Variants in RNF145 observed in about 807,000 individuals in gnomAD.
The protein encoded by RNF145 is ring finger protein 145.
RNF145 carries 12 observed loss-of-function variants against 57.3 expected under a neutral mutation model. The ratio of observed to expected loss-of-function variants is 0.21; its 90% CI spans 0.13 to 0.34. The LOEUF (loss-of-function observed/expected upper bound fraction) is 0.34. Among genes scored for constraint, RNF145 ranks in the 10% least tolerant of loss-of-function variants. The pLI is 1.00. For synonymous variants in RNF145, 262 were observed against 288.3 expected (o/e 0.91, Z 0.92); for missense variants, 429 against 799.0 (o/e 0.54, Z 5.58).
In RNF145 at chr5:159,158,318, T is replaced by A. The variant is rs1215886215; in HGVS notation, c.*352A>T. On this transcript the variant is annotated 3_prime_UTR_variant, in exon 11 of 11. Coordinates refer to ENST00000424310, the MANE Select transcript of RNF145 (RefSeq NM_001199383.2). ...TTCCATGCTGTCCTCATGCTCTTTA[T>A]CCTCACTTCCTCAGTCCCTTCAACA... 8.1e-6 allele frequency: 2 copies of A among 248,414 alleles called. No individual in the cohort carries two copies. Among genetic ancestry groups the A allele is most frequent in the African/African-American group, 4.4e-5 (2 of 45,214 alleles). 15.4% of individuals were successfully genotyped at this position (248,414 alleles called of 1,614,324 possible).
At chr5:159,172,329 A>C (rs914974706) in intron 6 of RNF145, among the ~76,000 whole-genome samples, 3 of 152,078 alleles carry the variant, frequency 2.0e-5, no homozygotes, top group Non-Finnish European at 2.9e-5. Flanking sequence ...AATAATATAA[A>C]AATTAGCCAG....
At chr5:159,168,568 A>C (rs1054413257) in intron 8 of RNF145, among the ~76,000 whole-genome samples, 2 of 152,140 alleles carry the variant, frequency 1.3e-5, no homozygotes, top group African/African-American at 4.8e-5. Context: ...CTATGTTCTT[A>C]ATTTTAAAAT....
chr5:159,169,682 T>C lies in RNF145; in HGVS notation c.935A>G (p.Asn312Ser). ...TATAATCAAGGAAAGAACTTACCGA[T>C]TCATGGCAGGATCATTCATGAAAGC... ...YRAFMNDPAM[N>S]RGMTEGVTLL... The change falls in exon 7 of 11, where the codon AAT (asparagine) becomes AGT (serine). Residue 312 changes from asparagine (N) to serine (S), a missense_variant. Asn to Ser is a conservative substitution (Grantham distance 46, BLOSUM62 1). Transcript: ENST00000424310. 1.3e-6 allele frequency: 2 copies of C among 1,598,300 alleles called. No individual in the cohort carries two copies. The highest frequency in any genetic ancestry group is 1.7e-6 in the Non-Finnish European group (2 of 1,175,276).
chr5:159,190,494 T>C (rs1175920638), intron 3 of RNF145, among the ~76,000 whole-genome samples: 2 of 152,016 alleles, frequency 1.3e-5, no homozygotes, highest in East Asian at 3.9e-4. Context: ...AAGATCAGTC[T>C]GGGCAACACA....
Position 159,209,423 on chromosome 5 carries a change from C to T in RNF145, c.-232G>A. On this transcript the variant is annotated 5_prime_UTR_variant, in exon 1 of 11. Coordinates refer to ENST00000424310, the MANE Select transcript of RNF145 (RefSeq NM_001199383.2). ...GGGGAGGCGGAGGCAGCGGCAGCGG[C>T]AGCGGCCCGGCCCGTACGGTCACCA... 1 of 985,464 alleles carries T rather than the reference C, an allele frequency of 1.0e-6. No individual in the cohort carries two copies. Among genetic ancestry groups the T allele is most frequent in the Non-Finnish European group, 1.2e-6 (1 of 829,342 alleles). The allele number at this position is 985,464 out of a possible 1,614,324, so 61.0% of individuals were successfully genotyped here.
At chr5:159,171,228 G>A (rs1784544668) in intron 6 of RNF145, among the ~76,000 whole-genome samples, 1 of 152,074 alleles carries the variant, frequency 6.6e-6, no homozygotes, top group Admixed American at 6.6e-5. Context: ...TTTTCACACT[G>A]AAATCATTAG....
chr5:159,205,865 A>T lies in RNF145; in HGVS notation c.-39-2209T>A, dbSNP rs1785862702. 3.3e-5 allele frequency among the ~76,000 whole-genome samples: 5 copies of T among 152,166 alleles called. No individual in the cohort carries two copies. The South Asian group carries it at 1.0e-3, about 31-fold the overall frequency. On this transcript the variant is annotated intron_variant, in intron 1 of 10. Transcript: ENST00000424310. ...TTTTTTCAATGCTTTGCTATTTTAA[A>T]ATGTGCCCATTTTCACCATTTACTG...
In RNF145 at chr5:159,163,083, G is replaced by A. The variant is rs553921431; in HGVS notation, c.1122-4C>T. 5 of 1,587,048 alleles carry A rather than the reference G, an allele frequency of 3.2e-6. No homozygotes were observed. The African/African-American group carries it at 4.1e-5, about 13-fold the overall frequency. On this transcript the variant is annotated splice_region_variant and splice_polypyrimidine_tract_variant and intron_variant, in intron 8 of 10. Transcript: ENST00000424310. ...ACGGAAGTGTTTCCACAAGCTCCTG[G>A]AGAAAGACAAAATTATTCTTTTTAA...
chr5:159,189,436 TA>T (rs113860647), intron 3 of RNF145, among the ~76,000 whole-genome samples: 241 of 152,286 alleles, frequency 1.6e-3, no homozygotes, highest in African/African-American at 5.5e-3. Flanking sequence ...ATGGCTCCAC[TA>T]AAAAGGACAA....
chr5:159,202,120 C>T (rs1452096307), intron 2 of RNF145, among the ~76,000 whole-genome samples: 1 of 152,172 alleles, frequency 6.6e-6, no homozygotes, highest in Non-Finnish European at 1.5e-5. Flanking sequence ...AGATTATGAA[C>T]TTCAATTGTA....
chr5:159,198,003 G>A (rs536627316), intron 2 of RNF145, among the ~76,000 whole-genome samples: 188 of 152,200 alleles, frequency 1.2e-3, no homozygotes, highest in African/African-American at 4.3e-3. Context: ...CACTTTGGGA[G>A]GCCAAAGCAG....
At chr5:159,203,013 T>C (rs1205504035) in intron 2 of RNF145, among the ~76,000 whole-genome samples, 1 of 152,154 alleles carries the variant, frequency 6.6e-6, no homozygotes, top group Non-Finnish European at 1.5e-5. Flanking sequence ...CTGAACACTT[T>C]ATCTTCAGCT....
At chr5:159,162,070 C>T (rs7728067) in intron 9 of RNF145, among the ~76,000 whole-genome samples, 115,113 of 152,142 alleles carry the variant, frequency 0.76, 44,336 homozygotes, top group African/African-American at 0.91. Context: ...TTTCCTTTAC[C>T]TAGGTAGCAA....
chr5:159,194,882 TAAAA>T (rs1431992241), intron 2 of RNF145, 58 bp from the exon 3 acceptor site: 3 of 1,209,256 alleles, frequency 2.5e-6, no homozygotes, highest in Non-Finnish European at 3.5e-6. Flanking sequence ...TTAATTACAA[TAAAA>T]GAAAGAGCTT....
At chr5:159,178,964 T>C (rs1335017723) in intron 4 of RNF145, among the ~76,000 whole-genome samples, 1 of 151,990 alleles carries the variant, frequency 6.6e-6, no homozygotes, top group Non-Finnish European at 1.5e-5. Context: ...ACTAAAGTAA[T>C]GTGAAAAATA....
At chr5:159,176,218 TTTA>T (rs1784715430) in intron 5 of RNF145, among the ~76,000 whole-genome samples, 1 of 152,128 alleles carries the variant, frequency 6.6e-6, no homozygotes, top group African/African-American at 2.4e-5. Context: ...TATTCAATTC[TTTA>T]TTATTTTTGT....
intron 1 of RNF145, chr5:159,208,164 A>T: frequency 3.6e-6 from 5 of 1,398,674 alleles, no homozygotes; most frequent in Non-Finnish European, 3.7e-6. Context: ...CGTTTGAACT[A>T]CAGTAACCCC....
rs1399997704 is a variant in RNF145, at chr5:159,173,976, T to A, written c.797+7A>T. ...TATATATAGTATCATAGGCTCTTAT[T>A]AATTACCTTGTCAGAAAAAGGAAAA... On this transcript the variant is annotated splice_region_variant and intron_variant, in intron 6 of 10. Coordinates refer to ENST00000424310, the MANE Select transcript of RNF145 (RefSeq NM_001199383.2). 2 of 1,596,784 alleles carry A rather than the reference T, an allele frequency of 1.3e-6. No homozygotes were observed. Among genetic ancestry groups the A allele is most frequent in the Admixed American group, 1.8e-5 (1 of 56,464 alleles).
chr5:159,199,259 G>A (rs1785580111), intron 2 of RNF145, among the ~76,000 whole-genome samples: 1 of 151,932 alleles, frequency 6.6e-6, no homozygotes, highest in Admixed American at 6.6e-5. Flanking sequence ...CCCAAACTAC[G>A]TTCGGTCACC....
Sources: allele counts gnomAD v4.1 joint callset (sites outside exome capture counted in the v4.1 genomes callset), GRCh38; gene constraint gnomAD v4.1.1; transcripts MANE v1.5; gene names NCBI Gene and HGNC (gene_info 2026-07-23, HGNC 2026-07-21).